Variants in PRKAR1B observed in about 807,000 individuals in gnomAD.
PRKAR1B encodes cAMP-dependent protein kinase type I-beta regulatory subunit.
A neutral mutation model predicts 46.5 loss-of-function variants in PRKAR1B; 22 were observed. The ratio of observed to expected loss-of-function variants is 0.47; its 90% confidence interval spans 0.34 to 0.68. The LOEUF is 0.68. Ranked by LOEUF, PRKAR1B falls within the 30% of genes least tolerant of loss-of-function variation. The pLI, the probability that PRKAR1B is intolerant of heterozygous loss-of-function variation, is 0.01. For missense variants in PRKAR1B, 445 were observed against 535.6 expected (o/e 0.83, Z 1.67); for synonymous variants, 259 against 217.7 (o/e 1.19, Z -1.67).
chr7:690,518 G>A (rs774025995), intron 2 of PRKAR1B, among the ~76,000 whole-genome samples: 74 of 152,278 alleles, frequency 4.9e-4, no homozygotes, highest in Non-Finnish European at 9.1e-4. Context: ...CAAATTTCAA[G>A]TGCTGAGCTA....
intron 4 of PRKAR1B, among the ~76,000 whole-genome samples, chr7:674,358 C>A (rs1177430436): frequency 6.6e-6 from 1 of 152,052 alleles, no homozygotes; most frequent in Non-Finnish European, 1.5e-5. Flanking sequence ...ATTCCAGCCA[C>A]ACCCAGCTAC....
intron 8 of PRKAR1B, among the ~76,000 whole-genome samples, chr7:584,305 C>T (rs1411768918): frequency 1.3e-5 from 2 of 152,238 alleles, no homozygotes; most frequent in African/African-American, 4.8e-5. Flanking sequence ...AGGAGGCAGG[C>T]TCTTGGGGTT....
intron 4 of PRKAR1B, among the ~76,000 whole-genome samples, chr7:663,122 C>A (rs571709402): frequency 6.6e-6 from 1 of 152,298 alleles, no homozygotes; most frequent in African/African-American, 2.4e-5. Flanking sequence ...GAACAAGGGC[C>A]CACCCGCGGG....
intron 4 of PRKAR1B, among the ~76,000 whole-genome samples, chr7:653,734 T>C (rs1785033083): frequency 6.6e-6 from 1 of 152,204 alleles, no homozygotes; most frequent in Admixed American, 6.5e-5. Context: ...CCAACATCCA[T>C]TGCAGATGAT....
intron 2 of PRKAR1B, chr7:691,749 G>C (rs528039330): frequency 9.8e-6 from 12 of 1,229,664 alleles, no homozygotes; most frequent in African/African-American, 1.6e-5. Flanking sequence ...GGGTGCTGAG[G>C]GGATGGACCA....
At chr7:664,214 A>T (rs930373757) in intron 4 of PRKAR1B, among the ~76,000 whole-genome samples, 4 of 152,138 alleles carry the variant, frequency 2.6e-5, no homozygotes, top group Non-Finnish European at 5.9e-5. Flanking sequence ...ATTTTTAGTG[A>T]CCAGGGCTCA....
intron 2 of PRKAR1B, among the ~76,000 whole-genome samples, chr7:683,375 T>C (rs1010283565): frequency 2.6e-5 from 4 of 152,268 alleles, no homozygotes; most frequent in Non-Finnish European, 4.4e-5. Context: ...TTTCTGAGAA[T>C]TGGCCATTTA....
At chr7:587,877 G>A (rs919505805) in intron 7 of PRKAR1B, among the ~76,000 whole-genome samples, 4 of 152,238 alleles carry the variant, frequency 2.6e-5, no homozygotes, top group African/African-American at 7.2e-5. Flanking sequence ...GATGTTAAAC[G>A]CCTGTCCCTG....
intron 4 of PRKAR1B, among the ~76,000 whole-genome samples, chr7:618,937 G>C (rs1351751948): frequency 6.6e-6 from 1 of 152,092 alleles, no homozygotes; most frequent in African/African-American, 2.4e-5. Context: ...TATGGTTTGT[G>C]CTTTGTGGGT....
At chr7:635,962 CCT>C (rs1341266225) in intron 4 of PRKAR1B, among the ~76,000 whole-genome samples, 1,752 of 116,804 alleles carry the variant, frequency 0.015, 115 homozygotes, top group African/African-American at 0.026. Flanking sequence ...CCGGCCGCGC[CCT>C]CACGTCCTCC....
At chr7:688,932 T>A (rs1276464516) in intron 2 of PRKAR1B, among the ~76,000 whole-genome samples, 1 of 152,070 alleles carries the variant, frequency 6.6e-6, no homozygotes, top group Non-Finnish European at 1.5e-5. Flanking sequence ...ATTTGTTAAA[T>A]AAATATCAAA....
intron 4 of PRKAR1B, among the ~76,000 whole-genome samples, chr7:617,760 T>C (rs2128472226): frequency 6.6e-6 from 1 of 152,308 alleles, no homozygotes; most frequent in East Asian, 1.9e-4. Context: ...CAGCAGGCAC[T>C]AGGCCCCTCC....
chr7:716,004 C>G (rs66724169), intron 1 of PRKAR1B, among the ~76,000 whole-genome samples: 1 of 151,448 alleles, frequency 6.6e-6, no homozygotes, highest in South Asian at 2.1e-4. Flanking sequence ...CGTGAGCCAC[C>G]GCACCCGGCC....
intron 2 of PRKAR1B, among the ~76,000 whole-genome samples, chr7:710,670 G>A (rs1171033192): frequency 2.0e-5 from 3 of 147,354 alleles, no homozygotes; most frequent in Non-Finnish European, 4.5e-5. Flanking sequence ...TTTTGAGACG[G>A]AGTCTCGCTC....
chr7:712,067 G>A (rs1027778300), intron 1 of PRKAR1B, among the ~76,000 whole-genome samples: 1 of 151,454 alleles, frequency 6.6e-6, no homozygotes, highest in Non-Finnish European at 1.5e-5. Flanking sequence ...GTGGTGGGGG[G>A]GTGGGGTGCG....
chr7:706,509 T>C (rs534162436), intron 2 of PRKAR1B, among the ~76,000 whole-genome samples: 2 of 145,306 alleles, frequency 1.4e-5, no homozygotes, highest in South Asian at 2.3e-4. Context: ...CTGCAACCTC[T>C]ACCTCCTGGG....
At chr7:566,658 T>TCACCTTCAC (rs1384391818) in intron 9 of PRKAR1B, among the ~76,000 whole-genome samples, 8 of 50 alleles carry the variant, frequency 0.16, no homozygotes, top group Middle Eastern at 0.5. Flanking sequence ...ATCACCATCA[T>TCACCTTCAC]CACCATCACC....
At chr7:583,467 G>C (rs1158968965) in intron 8 of PRKAR1B, among the ~76,000 whole-genome samples, 1 of 138,816 alleles carries the variant, frequency 7.2e-6, no homozygotes, top group East Asian at 2.2e-4. Context: ...TCACACACGT[G>C]CACTCACACC....
intron 4 of PRKAR1B, among the ~76,000 whole-genome samples, chr7:625,193 T>C (rs1488110547): frequency 6.6e-6 from 1 of 152,076 alleles, no homozygotes; most frequent in Non-Finnish European, 1.5e-5. Flanking sequence ...TCAAGAGAAG[T>C]TGAAAAATAT....
Sources: allele counts gnomAD v4.1 joint callset (sites outside exome capture counted in the v4.1 genomes callset), GRCh38; gene constraint gnomAD v4.1.1; transcripts MANE v1.5; gene names NCBI Gene and HGNC (gene_info 2026-07-23, HGNC 2026-07-21).